The following EPHA5 variants were observed in gnomAD, a reference collection of about 807,000 sequenced individuals.
The protein encoded by EPHA5 is ephrin type-A receptor 5.
EPHA5 carries 60 observed loss-of-function variants against 105.0 expected under a neutral mutation model. That is an observed-to-expected ratio of 0.57 (90% CI 0.46 to 0.71). EPHA5 has a LOEUF of 0.71. EPHA5 is among the 30% of genes least tolerant of loss of function. The pLI is 0.00. For missense variants in EPHA5, 1,218 were observed against 1,274.7 expected, an observed-to-expected ratio of 0.96 and a Z score of 0.68; for synonymous variants, 513 against 449.1, an observed-to-expected ratio of 1.14 and a Z score of -1.80.
At chr4:65,643,234 A>G (rs1747822118) in intron 2 of EPHA5, 129 bp downstream of exon 2, 1 of 670,772 alleles carries the variant, frequency 1.5e-6, no homozygotes, top group Admixed American at 2.9e-5. Context: ...CCCTCACCCC[A>G]TCCAACACAC....
intron 5 of EPHA5, among the ~76,000 whole-genome samples, chr4:65,469,380 G>A (rs4267782): frequency 0.21 from 31,711 of 152,158 alleles, 4,125 homozygotes; most frequent in Middle Eastern, 0.35. Context: ...ACTAGGGTGC[G>A]AAATAGGTAT....
chr4:65,439,377 C>T (rs1578120595), intron 5 of EPHA5, among the ~76,000 whole-genome samples: 1 of 152,132 alleles, frequency 6.6e-6, no homozygotes, highest in Middle Eastern at 3.4e-3. Context: ...AAAAGGTGCA[C>T]AATCTTTGCT....
intron 2 of EPHA5, among the ~76,000 whole-genome samples, chr4:65,628,927 A>G (rs4422467): frequency 0.49 from 74,873 of 151,966 alleles, 20,135 homozygotes; most frequent in Middle Eastern, 0.66. Context: ...CCTGATATAT[A>G]TACTGTAGAG....
chr4:65,636,304 G>A (rs1184123511), intron 2 of EPHA5, among the ~76,000 whole-genome samples: 1 of 152,080 alleles, frequency 6.6e-6, no homozygotes, highest in East Asian at 1.9e-4. Flanking sequence ...ACTTCTCTTT[G>A]AGGTGAATTC....
At chr4:65,653,754 T>G (rs1037411371) in intron 1 of EPHA5, among the ~76,000 whole-genome samples, 1 of 152,060 alleles carries the variant, frequency 6.6e-6, no homozygotes, top group Admixed American at 6.6e-5. Flanking sequence ...TAATGTAAAA[T>G]AAAAGAAATA....
At chr4:65,471,275 G>T (rs904829973) in intron 5 of EPHA5, among the ~76,000 whole-genome samples, 1 of 152,060 alleles carries the variant, frequency 6.6e-6, no homozygotes. Flanking sequence ...CTTTCTGATG[G>T]ATACCAATGC....
At chr4:65,636,075 T>C (rs1747096734) in intron 2 of EPHA5, among the ~76,000 whole-genome samples, 1 of 152,204 alleles carries the variant, frequency 6.6e-6, no homozygotes, top group African/African-American at 2.4e-5. Flanking sequence ...AAATGAGATT[T>C]ATATAAAACA....
chr4:65,650,047 A>T (rs1748456208), intron 1 of EPHA5, among the ~76,000 whole-genome samples: 2 of 152,204 alleles, frequency 1.3e-5, no homozygotes, highest in African/African-American at 4.8e-5. Flanking sequence ...ACAAATAATC[A>T]CATAAATCCA....
chr4:65,549,661 G>GA (rs1302073324), intron 3 of EPHA5, among the ~76,000 whole-genome samples: 1 of 151,916 alleles, frequency 6.6e-6, no homozygotes, highest in Non-Finnish European at 1.5e-5. Context: ...ACTGACAAAA[G>GA]AAAAGACAAA....
chr4:65,615,092 T>G (rs1745110499), intron 2 of EPHA5, among the ~76,000 whole-genome samples: 1 of 151,744 alleles, frequency 6.6e-6, no homozygotes, highest in African/African-American at 2.4e-5. Flanking sequence ...CATAACAAAG[T>G]GATAAAGTAT....
At chr4:65,403,341 A>G (rs766012118) in intron 8 of EPHA5, among the ~76,000 whole-genome samples, 21 of 152,158 alleles carry the variant, frequency 1.4e-4, no homozygotes, top group Non-Finnish European at 7.4e-5. Flanking sequence ...GAACGGTAAC[A>G]AAATCAATAT....
chr4:65,666,494 A>G lies in EPHA5; in HGVS notation c.181+3068T>C, dbSNP rs149893760. 2.8e-3 allele frequency among the ~76,000 whole-genome samples: 423 copies of G among 152,334 alleles called. 1 individual carries two copies. Among genetic ancestry groups the G allele is most frequent in the African/African-American group, 9.3e-3 (386 of 41,582 alleles). On this transcript the variant is annotated intron_variant, in intron 1 of 16. Coordinates refer to ENST00000613740, the MANE Select transcript of EPHA5 (RefSeq NM_001281766.3). ...CAGGGCCACCTCCAAAATTCATAGCAGTGGACATGAACCCTTTACTTACTA... is the reference window on the plus strand; with the variant it reads ...CAGGGCCACCTCCAAAATTCATAGCGGTGGACATGAACCCTTTACTTACTA...
At chr4:65,439,443 C>G (rs988716000) in intron 5 of EPHA5, among the ~76,000 whole-genome samples, 1 of 150,444 alleles carries the variant, frequency 6.6e-6, no homozygotes, top group Non-Finnish European at 1.5e-5. Flanking sequence ...CACCACCCCC[C>G]GCTGCCCCAT....
rs1560417663 is a variant in EPHA5, at chr4:65,332,046, T to C, written c.2872A>G (p.Met958Val). ...SVGEWLEAIK[M>V]GRYTEIFMEN... The stretch of plus-strand genomic sequence containing the variant: ...ATGAAAATCTCTGTATACCGGCCCA[T>C]CTTGATTGCCTCTAGCCATTCACCT... The change falls in exon 16 of 17, where the codon ATG becomes GTG. Residue 958 changes from methionine (M) to valine (V), a missense_variant. Met to Val is a conservative substitution (Grantham distance 21, BLOSUM62 1). Around this residue, in one of 3 missense-constraint regions of EPHA5, gnomAD observed 971 missense variants for 1,013.5 expected, o/e 0.96. Coordinates refer to ENST00000613740, the MANE Select transcript of EPHA5 (RefSeq NM_001281766.3). The C allele has an allele frequency of 6.2e-7, 1 of 1,611,958 alleles. No homozygotes were observed. The highest frequency in any genetic ancestry group is 8.5e-7 in the Non-Finnish European group (1 of 1,178,700).
At chr4:65,596,731 T>C (rs766179545) in intron 3 of EPHA5, among the ~76,000 whole-genome samples, 54 of 151,740 alleles carry the variant, frequency 3.6e-4, no homozygotes, top group Middle Eastern at 3.4e-3. Context: ...ACAGGCACCA[T>C]TGATATTCTG....
intron 5 of EPHA5, among the ~76,000 whole-genome samples, chr4:65,484,583 A>C (rs948273158): frequency 1.3e-5 from 2 of 152,282 alleles, no homozygotes; most frequent in African/African-American, 4.8e-5. Context: ...CCTACATTCA[A>C]AACAATTAAA....
intron 4 of EPHA5, 57 bp downstream of exon 4, chr4:65,495,331 C>T (rs1277036718): frequency 7.1e-6 from 11 of 1,543,332 alleles, no homozygotes; most frequent in African/African-American, 2.7e-5. Context: ...CTCCATCATG[C>T]TGTTTCCTCA....
intron 3 of EPHA5, among the ~76,000 whole-genome samples, chr4:65,591,604 A>ATG (rs1560743471): frequency 6.9e-6 from 1 of 145,680 alleles, no homozygotes; most frequent in African/African-American, 2.6e-5. Context: ...TTTTAATTTT[A>ATG]TTTTTTTTAA....
chr4:65,528,721 C>G (rs752446745), intron 3 of EPHA5, among the ~76,000 whole-genome samples: 5 of 152,082 alleles, frequency 3.3e-5, no homozygotes, highest in Non-Finnish European at 7.4e-5. Context: ...TTTAATTCTG[C>G]TCACATTCTG....
Sources: gnomAD v4.1 joint callset for allele counts (sites outside exome capture counted in the v4.1 genomes callset) on GRCh38, gnomAD v4.1.1 for gene constraint, gnomAD v4.1.1 regional missense constraint, MANE v1.5 for transcripts, NCBI Gene and HGNC (gene_info 2026-07-23, HGNC 2026-07-21) for gene names.